TNR: variants seen among roughly 807,000 people sequenced by gnomAD.
TNR encodes the protein tenascin R, also known as tenascin-R.
In TNR, 45 loss-of-function variants were observed where a neutral mutation model predicts 150.4. The ratio of observed to expected loss-of-function variants is 0.30; its 90% confidence interval spans 0.24 to 0.38. The LOEUF is 0.38. TNR is among the 10% of genes least tolerant of loss of function. The pLI, the probability that TNR is intolerant of heterozygous loss-of-function variation, is 1.00. For synonymous variants in TNR, 687 were observed against 678.4 expected (o/e 1.01, Z -0.20); for missense variants, 1,544 against 1,759.1 (o/e 0.88, Z 2.19).
rs201888670 is a variant in TNR, at chr1:175,642,329, G to A, written c.-165+100897C>T. Among the ~76,000 whole-genome samples, 18 of 152,308 alleles carry A rather than the reference G, an allele frequency of 1.2e-4. No homozygotes were observed. The East Asian group carries it at 2.9e-3, about 24-fold the overall frequency. ...TAGGAAATAGCATATGCAAAAGCTAGGAAGCATGAAACTGTAGGAAACTTG... is the reference window on the plus strand; with the variant it reads ...TAGGAAATAGCATATGCAAAAGCTAAGAAGCATGAAACTGTAGGAAACTTG... On this transcript the variant is annotated intron_variant, in intron 1 of 22. Transcript: ENST00000367674.
intron 18 of TNR, among the ~76,000 whole-genome samples, chr1:175,349,374 G>T (rs963396722): frequency 1.3e-5 from 2 of 152,188 alleles, no homozygotes; most frequent in Non-Finnish European, 2.9e-5. Context: ...GGTAAAATAA[G>T]ATGGGTGCCC....
intron 1 of TNR, among the ~76,000 whole-genome samples, chr1:175,623,236 A>G (rs768225708): frequency 1.3e-5 from 2 of 152,166 alleles, no homozygotes; most frequent in African/African-American, 2.4e-5. Flanking sequence ...ATTCACCACT[A>G]TTGTGTGTGT....
intron 2 of TNR, among the ~76,000 whole-genome samples, chr1:175,490,852 A>G (rs376284938): frequency 6.6e-6 from 1 of 152,256 alleles, no homozygotes; most frequent in Non-Finnish European, 1.5e-5. Context: ...CATTTGACCC[A>G]ATAATCTCAT....
chr1:175,333,262 T>C (rs1429433300), intron 20 of TNR: 2 of 152,232 alleles, frequency 1.3e-5, no homozygotes, highest in African/African-American at 2.4e-5. Context: ...CTTTTAAAAA[T>C]AGATTTAATT....
At chr1:175,588,264 G>A (rs1342754671) in intron 1 of TNR, among the ~76,000 whole-genome samples, 2 of 152,188 alleles carry the variant, frequency 1.3e-5, no homozygotes, top group Non-Finnish European at 2.9e-5. Flanking sequence ...AAAACTTTGT[G>A]GCGGTAGCAG....
rs1201170409 is a variant in TNR, at chr1:175,317,014, A to T, written c.*6343T>A. ...AAAATCAAGGGCTTCAAAATTAGAC[A>T]AAGGTTCAGATTATGGCTCTATTTA... On this transcript the variant is annotated 3_prime_UTR_variant, in exon 23 of 23. Coordinates refer to ENST00000367674, the MANE Select transcript of TNR (RefSeq NM_003285.3). 6.6e-6 allele frequency: 1 copy of T among 152,220 alleles called. No homozygotes were observed. The highest frequency in any genetic ancestry group is 1.5e-5 in the Non-Finnish European group (1 of 68,034). The allele number at this position is 152,220 out of a possible 1,614,324, so 9.4% of individuals were successfully genotyped here. A position where few individuals can be genotyped will look rare whatever the true frequency, so the allele number is the denominator to read the frequency against.
intron 2 of TNR, among the ~76,000 whole-genome samples, chr1:175,424,485 T>C (rs1654884499): frequency 1.3e-5 from 2 of 152,224 alleles, no homozygotes; most frequent in Non-Finnish European, 2.9e-5. Context: ...TGCAGAATTG[T>C]GTCTAAACCC....
intron 1 of TNR, among the ~76,000 whole-genome samples, chr1:175,677,273 G>A (rs1415453241): frequency 6.6e-6 from 1 of 152,074 alleles, no homozygotes; most frequent in African/African-American, 2.4e-5. Flanking sequence ...GGATTTCCTG[G>A]GTGTCTTCTT....
chr1:175,675,834 G>A (rs1665847887), intron 1 of TNR, among the ~76,000 whole-genome samples: 1 of 152,166 alleles, frequency 6.6e-6, no homozygotes, highest in Admixed American at 6.5e-5. Context: ...CAGGGGTGGG[G>A]AGGGGGCTTC....
chr1:175,406,132 A>T lies in TNR; in HGVS notation c.499+84T>A. 1.1e-5 allele frequency: 16 copies of T among 1,518,270 alleles called. No individual in the cohort carries two copies. The South Asian group carries it at 2.0e-4, about 19-fold the overall frequency. The allele number at this position is 1,518,270 out of a possible 1,614,324, so 94.0% of individuals were successfully genotyped here. A position where few individuals can be genotyped will look rare whatever the true frequency, so the allele number is the denominator to read the frequency against. ...GGGAGTGCGTTTTCGCTGGAAGTGCATTGGTCCTTCTTGTTCACTCTCCCT... is the reference window on the plus strand; with the variant it reads ...GGGAGTGCGTTTTCGCTGGAAGTGCTTTGGTCCTTCTTGTTCACTCTCCCT... On this transcript the variant is annotated intron_variant, in intron 3 of 22. Transcript: ENST00000367674.
intron 1 of TNR, among the ~76,000 whole-genome samples, chr1:175,737,179 G>C (rs1667795647): frequency 6.6e-6 from 1 of 152,170 alleles, no homozygotes; most frequent in African/African-American, 2.4e-5. Flanking sequence ...TCAAGAGCTT[G>C]GTTTTATAAA....
At chr1:175,372,144 C>T (rs141656960) in intron 9 of TNR, among the ~76,000 whole-genome samples, 3 of 152,214 alleles carry the variant, frequency 2.0e-5, no homozygotes, top group South Asian at 2.1e-4. Context: ...GCTACTCCTC[C>T]GGCTTCCCGC....
At chr1:175,713,375 A>G (rs959134017) in intron 1 of TNR, among the ~76,000 whole-genome samples, 1 of 152,156 alleles carries the variant, frequency 6.6e-6, no homozygotes, top group Non-Finnish European at 1.5e-5. Context: ...TATCGGGCAT[A>G]CTTGCAGAAG....
chr1:175,543,361 A>T (rs1015002294), intron 1 of TNR, among the ~76,000 whole-genome samples: 2 of 152,148 alleles, frequency 1.3e-5, no homozygotes, highest in African/African-American at 2.4e-5. Flanking sequence ...AATCCTGTGA[A>T]GCTAGCACTG....
intron 2 of TNR, among the ~76,000 whole-genome samples, chr1:175,439,836 C>A (rs1338044942): frequency 2.0e-5 from 3 of 152,176 alleles, no homozygotes; most frequent in East Asian, 1.9e-4. Flanking sequence ...TACCATCTCA[C>A]ACCAGTTAGA....
At chr1:175,594,449 C>G (rs1662926619) in intron 1 of TNR, among the ~76,000 whole-genome samples, 1 of 152,116 alleles carries the variant, frequency 6.6e-6, no homozygotes, top group Admixed American at 6.6e-5. Flanking sequence ...TTTTCCCTTT[C>G]TATCTCCTAA....
intron 1 of TNR, among the ~76,000 whole-genome samples, chr1:175,567,417 C>A (rs1177263614): frequency 6.6e-6 from 1 of 152,134 alleles, no homozygotes; most frequent in Non-Finnish European, 1.5e-5. Context: ...TCCCAGGAGG[C>A]CACGGAGGAC....
chr1:175,478,356 A>G lies in TNR; in HGVS notation c.-64+49913T>C, dbSNP rs142804811. Among the ~76,000 whole-genome samples, 219 of 152,352 alleles carry G rather than the reference A, an allele frequency of 1.4e-3. 1 individual carries two copies. The highest frequency in any genetic ancestry group is 5.1e-3 in the African/African-American group (214 of 41,590). ...CAGGCAGGACTTGGATGAATTTAGA[A>G]AGAAAGCAGAGTGCAATCGAGGGCA... On this transcript the variant is annotated intron_variant, in intron 2 of 22. Transcript: ENST00000367674.
At chr1:175,366,185 G>A (rs1178885592) in intron 10 of TNR, 47 bp from the exon 11 acceptor site, 2 of 1,535,592 alleles carry the variant, frequency 1.3e-6, no homozygotes, top group South Asian at 1.3e-5. Flanking sequence ...TCCCCTGGAG[G>A]GCAGTATTTA....
Sources: allele counts gnomAD v4.1 joint callset (sites outside exome capture counted in the v4.1 genomes callset), GRCh38; gene constraint gnomAD v4.1.1; transcripts MANE v1.5; gene names NCBI Gene and HGNC (gene_info 2026-07-23, HGNC 2026-07-21).